Variants in LDB2 observed in about 807,000 individuals in gnomAD.
LDB2 encodes the protein LIM domain binding 2.
LDB2 carries 12 observed loss-of-function variants against 44.3 expected under a neutral mutation model. The observed-to-expected ratio is 0.27, with a 90% CI of 0.17 to 0.44. The LOEUF is 0.44. Ranked by LOEUF, LDB2 falls within the 20% of genes least tolerant of loss-of-function variation. The pLI, the probability that LDB2 is intolerant of heterozygous loss-of-function variation, is 1.00. For missense variants in LDB2, 344 were observed against 473.5 expected (o/e 0.73, Z 2.54); for synonymous variants, 164 against 174.8 (o/e 0.94, Z 0.49).
intron 1 of LDB2, among the ~76,000 whole-genome samples, chr4:16,854,693 TATAAC>T (rs1472131527): frequency 1.4e-5 from 2 of 147,856 alleles, no homozygotes; most frequent in South Asian, 4.3e-4. Flanking sequence ...AACTATTACA[TATAAC>T]ATTATAATAT....
chr4:16,620,827 GA>G (rs1424389593), intron 2 of LDB2, among the ~76,000 whole-genome samples: 2 of 152,186 alleles, frequency 1.3e-5, no homozygotes, highest in Non-Finnish European at 1.5e-5. Context: ...TCCTGTACTT[GA>G]TAGTATAAAA....
rs7669432 is a variant in LDB2, at chr4:16,650,499, C to T, written c.236-54624G>A. ...TTCAGGACAATTTTTATAAGATATA[C>T]AGTCATTTATATAAGATTCCAGTCT... On this transcript the variant is annotated intron_variant, in intron 2 of 7. Coordinates refer to ENST00000304523, the MANE Select transcript of LDB2 (RefSeq NM_001290.5). Among the ~76,000 whole-genome samples the T allele has an allele frequency of 9.4e-3, 1,428 of 152,224 alleles. 22 individuals are homozygous for T. Among genetic ancestry groups the T allele is most frequent in the African/African-American group, 0.033 (1,367 of 41,520 alleles).
intron 5 of LDB2, among the ~76,000 whole-genome samples, chr4:16,530,792 A>G (rs1198033173): frequency 6.6e-6 from 1 of 152,124 alleles, no homozygotes; most frequent in Non-Finnish European, 1.5e-5. Flanking sequence ...CTAAAATGCC[A>G]TCTACTATTT....
chr4:16,513,908 A>G (rs146048811), intron 5 of LDB2, among the ~76,000 whole-genome samples: 9 of 152,326 alleles, frequency 5.9e-5, no homozygotes, highest in African/African-American at 1.7e-4. Context: ...ATATTATTCT[A>G]ACTTTTCCCT....
intron 2 of LDB2, among the ~76,000 whole-genome samples, chr4:16,616,179 T>C (rs1727266240): frequency 6.6e-6 from 1 of 152,222 alleles, no homozygotes; most frequent in African/African-American, 2.4e-5. Flanking sequence ...CCATGTCTTT[T>C]TGTTACTGGT....
chr4:16,856,098 G>A (rs1341966097), intron 1 of LDB2, among the ~76,000 whole-genome samples: 5 of 152,024 alleles, frequency 3.3e-5, no homozygotes, highest in Admixed American at 6.5e-5. Context: ...TTCTTCAAAC[G>A]AAACAAATCA....
At chr4:16,821,747 A>AAAAAAAAC in intron 1 of LDB2, among the ~76,000 whole-genome samples, 1 of 11,260 alleles carries the variant, frequency 8.9e-5, no homozygotes, top group African/African-American at 2.6e-4. Context: ...ACATTAAAGC[A>AAAAAAAAC]AAAAAAAAAA....
Position 16,502,484 on chromosome 4 carries a change from A to AAAAAG in LDB2, c.*154_*158dup, listed in dbSNP as rs1717770835. ...CTGGGAATAATCCTCTCAATTAGAAAAAAAGAAAGAAGAAAGAAAATCAGA... is the reference window on the plus strand; with the variant it reads ...CTGGGAATAATCCTCTCAATTAGAAAAAAAGAAAAGAAAGAAGAAAGAAAATCAGA... On this transcript the variant is annotated 3_prime_UTR_variant, in exon 8 of 8. Transcript: ENST00000304523. 4 of 1,107,884 alleles carry AAAAAG rather than the reference A, an allele frequency of 3.6e-6. No homozygotes were observed. Among genetic ancestry groups the AAAAAG allele is most frequent in the East Asian group, 4.8e-5 (2 of 41,460 alleles). 68.6% of individuals were successfully genotyped at this position (1,107,884 alleles called of 1,614,324 possible). A position where few individuals can be genotyped will look rare whatever the true frequency, so the allele number is the denominator to read the frequency against.
chr4:16,607,043 T>C (rs1387343447), intron 2 of LDB2, among the ~76,000 whole-genome samples: 2 of 152,188 alleles, frequency 1.3e-5, no homozygotes, highest in African/African-American at 4.8e-5. Context: ...GTAAAACTGG[T>C]CCTTTCCTCA....
At chr4:16,745,669 T>A (rs1764249612) in intron 2 of LDB2, among the ~76,000 whole-genome samples, 1 of 152,132 alleles carries the variant, frequency 6.6e-6, no homozygotes, top group South Asian at 2.1e-4. Flanking sequence ...AAATGTCAGC[T>A]TCATAGCAGC....
At chr4:16,593,116 G>A (rs966095227) in intron 3 of LDB2, among the ~76,000 whole-genome samples, 63 of 152,222 alleles carry the variant, frequency 4.1e-4, no homozygotes, top group African/African-American at 1.4e-3. Flanking sequence ...CTGTTGATTA[G>A]GATTGCGACT....
At chr4:16,549,817 C>T (rs1737019578) in intron 5 of LDB2, among the ~76,000 whole-genome samples, 1 of 152,196 alleles carries the variant, frequency 6.6e-6, no homozygotes, top group Non-Finnish European at 1.5e-5. Flanking sequence ...CAGTTCTTCT[C>T]TGTAAGAGTT....
intron 1 of LDB2, among the ~76,000 whole-genome samples, chr4:16,775,640 G>A (rs181965141): frequency 1.4e-3 from 216 of 152,154 alleles, no homozygotes; most frequent in African/African-American, 5.0e-3. Flanking sequence ...CCAATTAGCC[G>A]GGTCCTGACA....
rs1440255892 is a variant in LDB2 at position 16,512,111 on chromosome 4, G to GAAGT, written c.616-11_616-8dup. 1.2e-6 allele frequency: 2 copies of GAAGT among 1,601,262 alleles called. No individual in the cohort carries two copies. Among genetic ancestry groups the GAAGT allele is most frequent in the South Asian group, 2.2e-5 (2 of 89,400 alleles). ...GCTCCAATATTACACACAACTGCAA[G>GAAGT]AAGTTCAAAGACATTGGCATTTCAC... is the stretch of plus-strand genomic sequence containing the variant. On this transcript the variant is annotated splice_polypyrimidine_tract_variant and splice_region_variant and intron_variant, in intron 5 of 7. Transcript: ENST00000304523.
intron 1 of LDB2, among the ~76,000 whole-genome samples, chr4:16,831,898 G>A (rs1226320109): frequency 6.6e-6 from 1 of 151,974 alleles, no homozygotes; most frequent in Non-Finnish European, 1.5e-5. Context: ...TGCTAATATG[G>A]GCGTAACCAG....
intron 5 of LDB2, among the ~76,000 whole-genome samples, chr4:16,572,829 G>T (rs547403247): frequency 3.3e-4 from 50 of 152,238 alleles, no homozygotes; most frequent in African/African-American, 1.2e-3. Context: ...GCATTCCCAT[G>T]GCTCCAAAGG....
At chr4:16,668,382 T>A (rs1242791151) in intron 2 of LDB2, among the ~76,000 whole-genome samples, 1 of 152,134 alleles carries the variant, frequency 6.6e-6, no homozygotes, top group Non-Finnish European at 1.5e-5. Context: ...TGGGGCGACA[T>A]AGCACAAGGT....
intron 1 of LDB2, among the ~76,000 whole-genome samples, chr4:16,813,446 A>C (rs917018965): frequency 6.6e-6 from 1 of 152,212 alleles, no homozygotes; most frequent in Non-Finnish European, 1.5e-5. Flanking sequence ...TTATCTTTAG[A>C]ATACTTGATG....
At chr4:16,678,570 C>T (rs1374199428) in intron 2 of LDB2, among the ~76,000 whole-genome samples, 1 of 152,066 alleles carries the variant, frequency 6.6e-6, no homozygotes, top group African/African-American at 2.4e-5. Context: ...CTCTTGGGCC[C>T]CCTCCACACT....
Sources: allele counts gnomAD v4.1 joint callset (sites outside exome capture counted in the v4.1 genomes callset), GRCh38; gene constraint gnomAD v4.1.1; transcripts MANE v1.5; gene names NCBI Gene and HGNC (gene_info 2026-07-23, HGNC 2026-07-21).